PDE1C: variants seen among roughly 807,000 people sequenced by gnomAD.
PDE1C encodes dual specificity calcium/calmodulin-dependent 3',5'-cyclic nucleotide phosphodiesterase 1C.
Under a neutral mutation model 93.1 loss-of-function variants are expected in PDE1C, and 62 were observed. That is an observed-to-expected ratio of 0.67 (90% CI 0.54 to 0.82). The LOEUF is 0.82. Ranked by LOEUF, PDE1C falls within the 40% of genes least tolerant of loss-of-function variation. The pLI, the probability that PDE1C is intolerant of heterozygous loss-of-function variation, is 0.00. For missense variants in PDE1C, 742 were observed against 884.6 expected, an observed-to-expected ratio of 0.84 and a Z score of 2.04; for synonymous variants, 325 against 310.1, an observed-to-expected ratio of 1.05 and a Z score of -0.50.
chr7:31,654,745 AG>A, the PDE1C span, among the ~76,000 whole-genome samples: 1 of 152,196 alleles, frequency 6.6e-6, no homozygotes, highest in African/African-American at 2.4e-5. Flanking sequence ...TGCTTGGAAA[AG>A]TAATGCCATG....
At chr7:32,347,402 C>A (rs1783874078) in intron 1 of PDE1C, among the ~76,000 whole-genome samples, 1 of 152,160 alleles carries the variant, frequency 6.6e-6, no homozygotes, top group Admixed American at 6.6e-5. Flanking sequence ...GAATCAAGAA[C>A]AATCTTATTT....
chr7:32,298,600 G>T, intron 1 of PDE1C: 1 of 1,554,800 alleles, frequency 6.4e-7, no homozygotes, highest in Non-Finnish European at 8.7e-7. Context: ...ACCGCCACCG[G>T]AGAGGGCGTT....
At chr7:32,306,117 T>G (rs1274473850) in intron 1 of PDE1C, among the ~76,000 whole-genome samples, 3 of 152,212 alleles carry the variant, frequency 2.0e-5, no homozygotes, top group African/African-American at 7.2e-5. Context: ...TCTGCCACCA[T>G]GTAAGACGTG....
At chr7:31,813,078 A>C (rs1787747821) in intron 15 of PDE1C, among the ~76,000 whole-genome samples, 1 of 152,192 alleles carries the variant, frequency 6.6e-6, no homozygotes, top group Admixed American at 6.5e-5. Context: ...ATACATGTTA[A>C]GCATTCAATA....
At chr7:32,238,086 A>T (rs1392539109) in intron 1 of PDE1C, among the ~76,000 whole-genome samples, 1 of 152,078 alleles carries the variant, frequency 6.6e-6, no homozygotes, top group African/African-American at 2.4e-5. Context: ...TATAAGTTTT[A>T]CCTAGGAAAT....
chr7:32,250,874 C>A (rs996845593), intron 1 of PDE1C, among the ~76,000 whole-genome samples: 1 of 152,188 alleles, frequency 6.6e-6, no homozygotes, highest in Non-Finnish European at 1.5e-5. Context: ...TGTAACACAC[C>A]GCAAAGGCAT....
intron 2 of PDE1C, among the ~76,000 whole-genome samples, chr7:31,892,583 G>A (rs79406199): frequency 0.05 from 7,543 of 152,190 alleles, 291 homozygotes; most frequent in African/African-American, 0.11. Context: ...TGGCAGGCTG[G>A]CCATGAAGGG....
chr7:31,886,841 T>A (rs62456025), intron 2 of PDE1C, among the ~76,000 whole-genome samples: 107 of 2,606 alleles, frequency 0.041, no homozygotes, highest in African/African-American at 0.048. Context: ...GAATAGATCT[T>A]TTCGGATCTT....
chr7:32,004,559 T>A (rs993871029), intron 2 of PDE1C, among the ~76,000 whole-genome samples: 1 of 152,206 alleles, frequency 6.6e-6, no homozygotes, highest in African/African-American at 2.4e-5. Context: ...TTTTTCCTGC[T>A]GGATTTGAAC....
At chr7:32,361,630 G>A (rs1660985223) in intron 1 of PDE1C, among the ~76,000 whole-genome samples, 1 of 152,124 alleles carries the variant, frequency 6.6e-6, no homozygotes, top group Non-Finnish European at 1.5e-5. Flanking sequence ...TGTGATCTCT[G>A]CCTCTTCAAG....
At chr7:32,298,871 G>A in exon 1 of PDE1C, 2 of 1,376,412 alleles carry the variant, frequency 1.5e-6, no homozygotes, top group Non-Finnish European at 1.9e-6. Context: ...CAGCCCCGCC[G>A]CGCGCTGGCA....
At chr7:31,672,642 A>C in the PDE1C span, among the ~76,000 whole-genome samples, 1 of 152,134 alleles carries the variant, frequency 6.6e-6, no homozygotes, top group East Asian at 1.9e-4. Flanking sequence ...GGAGTGTAGA[A>C]ATAAATAAAG....
chr7:31,923,359 C>T (rs1402633898), intron 2 of PDE1C, among the ~76,000 whole-genome samples: 1 of 152,088 alleles, frequency 6.6e-6, no homozygotes, highest in Non-Finnish European at 1.5e-5. Flanking sequence ...CAACTGGAAC[C>T]TGGGGGTGGG....
chr7:32,363,643 G>A lies in PDE1C; in HGVS notation c.310+64179C>T, dbSNP rs115743002. Among the ~76,000 whole-genome samples, 691 of 152,188 alleles carry A rather than the reference G, an allele frequency of 4.5e-3. 6 individuals are homozygous for A. The highest frequency in any genetic ancestry group is 0.016 in the African/African-American group (646 of 41,510). On this transcript the variant is annotated intron_variant, in intron 1 of 1. Transcript: ENST00000672256. ...AAATGGATCAGAATGATGCATAAAT[G>A]GCATATCAATTTCATTTAAATGAGT...
chr7:31,998,970 G>C (rs1785114283), intron 2 of PDE1C, among the ~76,000 whole-genome samples: 1 of 152,192 alleles, frequency 6.6e-6, no homozygotes, highest in East Asian at 1.9e-4. Flanking sequence ...AAAAACCTCA[G>C]ATCATTTGCA....
chr7:31,622,323 C>G, the PDE1C span, among the ~76,000 whole-genome samples: 1 of 151,720 alleles, frequency 6.6e-6, no homozygotes, highest in Non-Finnish European at 1.5e-5. Flanking sequence ...AGCACCACAC[C>G]ACACCTATTC....
At chr7:31,652,084 C>A in the PDE1C span, 2 of 1,396,262 alleles carry the variant, frequency 1.4e-6, no homozygotes, top group Non-Finnish European at 1.0e-6. Flanking sequence ...TTGACTATAT[C>A]CAGCCTACCA....
At chr7:31,922,712 A>G (rs1009337340) in intron 2 of PDE1C, among the ~76,000 whole-genome samples, 2 of 152,242 alleles carry the variant, frequency 1.3e-5, no homozygotes, top group African/African-American at 4.8e-5. Flanking sequence ...TTACAATTGT[A>G]TAAGCTGACA....
chr7:31,641,467 T>C, the PDE1C span, among the ~76,000 whole-genome samples: 1 of 147,792 alleles, frequency 6.8e-6, no homozygotes, highest in African/African-American at 2.5e-5. Flanking sequence ...GCATTTCTCA[T>C]TAAAGAAGAG....
Sources: allele counts gnomAD v4.1 joint callset (sites outside exome capture counted in the v4.1 genomes callset), GRCh38; gene constraint gnomAD v4.1.1; transcripts MANE v1.5; gene names NCBI Gene and HGNC (gene_info 2026-07-23, HGNC 2026-07-21).